The following JMJD1C variants were observed in gnomAD, a reference collection of about 807,000 sequenced individuals.
JMJD1C encodes jumonji domain containing 1C, also known as jumonji domain-containing protein 1C.
Under a neutral mutation model 245.3 loss-of-function variants are expected in JMJD1C, and 31 were observed. The observed-to-expected ratio is 0.13, with a 90% CI of 0.09 to 0.17. The LOEUF is 0.17. JMJD1C is among the 10% of genes least tolerant of loss of function. The pLI is 1.00. For missense variants in JMJD1C, 2,691 were observed against 3,000.2 expected (o/e 0.90, Z 2.41); for synonymous variants, 1,057 against 1,017.4 (o/e 1.04, Z -0.74).
chr10:63,246,741 A>G (rs868422435), intron 3 of JMJD1C, among the ~76,000 whole-genome samples: 4 of 152,226 alleles, frequency 2.6e-5, no homozygotes, highest in Admixed American at 6.5e-5. Flanking sequence ...TCATACGGCA[A>G]ACTGTCTTTT....
At chr10:63,355,253 T>C (rs1944735148) in intron 2 of JMJD1C, among the ~76,000 whole-genome samples, 1 of 152,200 alleles carries the variant, frequency 6.6e-6, no homozygotes. Flanking sequence ...TCACCTGGTT[T>C]CAAGATGTTA....
At chr10:63,352,809 G>A (rs1363208621) in intron 2 of JMJD1C, among the ~76,000 whole-genome samples, 1 of 152,166 alleles carries the variant, frequency 6.6e-6, no homozygotes, top group African/African-American at 2.4e-5. Context: ...AAAATACAGT[G>A]TTCATGGGAT....
chr10:63,330,967 C>T (rs564191968), intron 2 of JMJD1C, among the ~76,000 whole-genome samples: 15 of 152,292 alleles, frequency 9.8e-5, no homozygotes, highest in African/African-American at 3.4e-4. Flanking sequence ...AGGCTCTGCA[C>T]AGTCGATTAC....
intron 2 of JMJD1C, among the ~76,000 whole-genome samples, chr10:63,357,084 A>G (rs1332841026): frequency 6.6e-6 from 1 of 151,726 alleles, no homozygotes; most frequent in African/African-American, 2.4e-5. Context: ...GCCAGGCTGG[A>G]GTGCAGTGGC....
At chr10:63,350,474 T>C (rs1944257271) in intron 2 of JMJD1C, among the ~76,000 whole-genome samples, 1 of 152,206 alleles carries the variant, frequency 6.6e-6, no homozygotes, top group Non-Finnish European at 1.5e-5. Flanking sequence ...AAGGATTTTA[T>C]ATAGGTAAAC....
chr10:63,346,435 T>C (rs1056214688), intron 2 of JMJD1C, among the ~76,000 whole-genome samples: 1 of 152,226 alleles, frequency 6.6e-6, no homozygotes, highest in African/African-American at 2.4e-5. Context: ...ACCTAACTTA[T>C]TAGGTAAGCA....
chr10:63,420,335 T>C (rs986502394), intron 1 of JMJD1C, among the ~76,000 whole-genome samples: 2 of 152,024 alleles, frequency 1.3e-5, no homozygotes, highest in Non-Finnish European at 2.9e-5. Context: ...ATATGAAAAT[T>C]TGTGAACACA....
At chr10:63,471,504 T>C (rs1045443114) in intron 1 of JMJD1C, among the ~76,000 whole-genome samples, 1 of 152,212 alleles carries the variant, frequency 6.6e-6, no homozygotes, top group African/African-American at 2.4e-5. Context: ...GTTAAAGGAC[T>C]GACAAAAGTA....
At chr10:63,216,498 C>G (rs1159196309) in intron 5 of JMJD1C, among the ~76,000 whole-genome samples, 3 of 152,102 alleles carry the variant, frequency 2.0e-5, no homozygotes, top group Middle Eastern at 3.4e-3. Context: ...ATCACGAGGT[C>G]AGGAAATCGA....
chr10:63,248,665 A>G (rs1852615793), intron 3 of JMJD1C, among the ~76,000 whole-genome samples: 1 of 152,208 alleles, frequency 6.6e-6, no homozygotes, highest in African/African-American at 2.4e-5. Context: ...TGTGAAAAAC[A>G]ACATGGAAAC....
intron 1 of JMJD1C, among the ~76,000 whole-genome samples, chr10:63,472,427 G>A (rs754545024): frequency 3.3e-5 from 5 of 152,148 alleles, no homozygotes; most frequent in Non-Finnish European, 5.9e-5. Flanking sequence ...CACCTCCTGA[G>A]TTCAAGCAAT....
chr10:63,297,078 G>A (rs1226223542), intron 2 of JMJD1C, among the ~76,000 whole-genome samples: 2 of 152,128 alleles, frequency 1.3e-5, no homozygotes, highest in Non-Finnish European at 2.9e-5. Context: ...TCATACCCAG[G>A]ATCCTGAAAA....
At chr10:63,179,895 T>C (rs918762808) in intron 22 of JMJD1C, among the ~76,000 whole-genome samples, 7 of 152,250 alleles carry the variant, frequency 4.6e-5, no homozygotes, top group Admixed American at 1.3e-4. Flanking sequence ...ATAAACTTTT[T>C]AAAGAAAGCT....
intron 23 of JMJD1C, chr10:63,177,344 C>T (rs927021124): frequency 4.2e-6 from 1 of 238,240 alleles, no homozygotes; most frequent in African/African-American, 2.4e-5. Context: ...CTATCAGATT[C>T]AAAGAAAATA....
At position 63,299,357 on chromosome 10, in the gene JMJD1C, A is replaced by ATT. The variant is rs59878158; in HGVS notation, c.334-34595_334-34594dup. On this transcript the variant is annotated intron_variant, in intron 2 of 25. Coordinates refer to ENST00000399262, the MANE Select transcript of JMJD1C (RefSeq NM_032776.3). ...GCCACCACACCCAGCTAATTTTTCC[A>ATT]TTTTTTTTTTTTTTTGTAGAGATGA... is the stretch of plus-strand genomic sequence containing the variant. Among the ~76,000 whole-genome samples, 1,322 of 135,786 alleles carry ATT rather than the reference A, an allele frequency of 9.7e-3. 43 individuals are homozygous for ATT. The highest frequency in any genetic ancestry group is 0.03 in the African/African-American group (1,105 of 36,718). The allele number at this position is 135,786 out of a possible 152,430, so 89.1% of individuals were successfully genotyped here.
chr10:63,507,438 G>T (rs1236591269), intron 1 of JMJD1C, among the ~76,000 whole-genome samples: 1 of 151,990 alleles, frequency 6.6e-6, no homozygotes, highest in African/African-American at 2.4e-5. Context: ...GAAGTCAGGA[G>T]ATCGAGACCA....
intron 2 of JMJD1C, 160 bp downstream of exon 2, chr10:63,380,158 G>C: frequency 1.7e-6 from 1 of 582,092 alleles, no homozygotes; most frequent in Admixed American, 3.1e-5. Flanking sequence ...TGCCCAGGCT[G>C]ATCTCCAACT....
At chr10:63,193,638 G>T in intron 14 of JMJD1C, 166 bp from the exon 15 acceptor site, 2 of 483,292 alleles carry the variant, frequency 4.1e-6, no homozygotes, top group Middle Eastern at 5.5e-4. Context: ...TTACAGTTTT[G>T]ATTATTCAAC....
chr10:63,207,313 G>A lies in JMJD1C; in HGVS notation c.4356C>T (p.Thr1452=). The change falls in exon 10 of 26, where the codon ACC becomes ACT. Residue 1452 remains threonine, a synonymous_variant. Transcript: ENST00000399262. The stretch of plus-strand genomic sequence containing the variant: ...TACTGGCTAATGTAACTGGTGCTGT[G>A]GTGCTGACCTTGCATTCTTGTTTTT... ...VAQKQECKVS[T]TAPVTLASSK... is the part of the protein sequence containing the mutation. 6.2e-7 allele frequency: 1 copy of A among 1,613,496 alleles called. No individual in the cohort carries two copies. Among genetic ancestry groups the A allele is most frequent in the Non-Finnish European group, 8.5e-7 (1 of 1,179,984 alleles).
Sources: allele counts gnomAD v4.1 joint callset (sites outside exome capture counted in the v4.1 genomes callset), GRCh38; gene constraint gnomAD v4.1.1; transcripts MANE v1.5; gene names NCBI Gene and HGNC (gene_info 2026-07-23, HGNC 2026-07-21).